Variants in HS6ST2 observed in about 807,000 individuals in gnomAD.
HS6ST2 encodes heparan-sulfate 6-O-sulfotransferase 2.
HS6ST2 carries 17 observed loss-of-function variants against 33.0 expected under a neutral mutation model. That is an observed-to-expected ratio of 0.52 (90% confidence interval 0.35 to 0.77). The LOEUF is 0.77. HS6ST2 is among the 30% of genes least tolerant of loss of function. The pLI is 0.01. For missense variants in HS6ST2, 519 were observed against 551.7 expected, an observed-to-expected ratio of 0.94 and a Z score of 0.59; for synonymous variants, 248 against 237.1, an observed-to-expected ratio of 1.05 and a Z score of -0.42.
intron 2 of HS6ST2, among the ~76,000 whole-genome samples, chrX:132,713,716 G>A (rs940745797): frequency 9.0e-6 from 1 of 111,038 alleles, no homozygotes; most frequent in African/African-American, 3.3e-5. Context: ...AACCTCCCAA[G>A]GAATAGCCTT....
intron 4 of HS6ST2, among the ~76,000 whole-genome samples, chrX:132,639,757 G>C (rs138202169): frequency 9.0e-6 from 1 of 111,623 alleles, no homozygotes; most frequent in African/African-American, 3.3e-5. Flanking sequence ...TGCACAGAGG[G>C]GAAGAATCAT....
At chrX:132,930,781 G>A (rs953893019) in intron 2 of HS6ST2, among the ~76,000 whole-genome samples, 1 of 111,280 alleles carries the variant, frequency 9.0e-6, no homozygotes, top group Non-Finnish European at 1.9e-5. Context: ...ATAAACAGAG[G>A]AGACCTAAAT....
intron 2 of HS6ST2, among the ~76,000 whole-genome samples, chrX:132,716,081 T>C (rs192850973): frequency 3.6e-5 from 4 of 112,176 alleles, no homozygotes; most frequent in Non-Finnish European, 7.5e-5. Context: ...CAGTTGCACA[T>C]GTCTTGTCTA....
intron 2 of HS6ST2, among the ~76,000 whole-genome samples, chrX:132,801,294 T>C (rs1602692118): frequency 9.1e-6 from 1 of 109,717 alleles, no homozygotes; most frequent in African/African-American, 3.3e-5. Flanking sequence ...AGACTCTGTC[T>C]CAAAAAAAAA....
intron 2 of HS6ST2, among the ~76,000 whole-genome samples, chrX:132,828,714 A>G (rs192634166): frequency 0.18 from 15,923 of 86,104 alleles, 1,775 homozygotes; most frequent in East Asian, 0.28. Flanking sequence ...ACACACACAC[A>G]CACACACACA....
chrX:132,884,008 G>A (rs1360139494), intron 2 of HS6ST2, among the ~76,000 whole-genome samples: 1 of 111,879 alleles, frequency 8.9e-6, no homozygotes. Context: ...TATATATATA[G>A]ATGAAATGTA....
At chrX:132,824,764 G>A (rs966918412) in intron 2 of HS6ST2, among the ~76,000 whole-genome samples, 1 of 112,483 alleles carries the variant, frequency 8.9e-6, no homozygotes, top group Admixed American at 9.4e-5. Context: ...TTAAATGCGA[G>A]TTTAAAAGAT....
At chrX:132,650,460 C>T (rs1157827650) in intron 4 of HS6ST2, among the ~76,000 whole-genome samples, 1 of 111,403 alleles carries the variant, frequency 9.0e-6, no homozygotes, top group Non-Finnish European at 1.9e-5. Context: ...CATCTTTCAA[C>T]TAAAAATCAG....
chrX:132,870,972 AACAGGCAACCT>A (rs1222907563), intron 2 of HS6ST2, among the ~76,000 whole-genome samples: 22 of 111,403 alleles, frequency 2.0e-4, no homozygotes, highest in African/African-American at 4.3e-4. Flanking sequence ...CATCAGAGTG[AACAGGCAACCT>A]ACAGGCAACC....
At chrX:132,762,491 T>C (rs1457414682) in intron 2 of HS6ST2, among the ~76,000 whole-genome samples, 1 of 112,427 alleles carries the variant, frequency 8.9e-6, no homozygotes, top group African/African-American at 3.2e-5. Context: ...GGGGAATAAA[T>C]AATACTGATT....
chrX:132,893,369 T>C (rs111327552), intron 2 of HS6ST2, among the ~76,000 whole-genome samples: 17 of 112,349 alleles, frequency 1.5e-4, no homozygotes, highest in African/African-American at 4.2e-4. Flanking sequence ...GTAACTGTCA[T>C]TTACCAGGGC....
intron 3 of HS6ST2, among the ~76,000 whole-genome samples, chrX:132,676,460 T>C (rs1000931847): frequency 8.9e-6 from 1 of 112,453 alleles, no homozygotes; most frequent in African/African-American, 3.2e-5. Flanking sequence ...AAAGCAAAGG[T>C]AAATGTGAGT....
chrX:132,891,444 T>G (rs2066310734), intron 2 of HS6ST2, among the ~76,000 whole-genome samples: 1 of 108,913 alleles, frequency 9.2e-6, no homozygotes, highest in Non-Finnish European at 1.9e-5. Flanking sequence ...TGCAGGTTAG[T>G]TACATATGTA....
chrX:132,647,970 CTG>C (rs2063659597), intron 4 of HS6ST2, among the ~76,000 whole-genome samples: 1 of 112,595 alleles, frequency 8.9e-6, no homozygotes, highest in Non-Finnish European at 1.9e-5. Context: ...TGCTCAGACT[CTG>C]TGCTTCAGTT....
chrX:132,886,000 T>G (rs185043120), intron 2 of HS6ST2, among the ~76,000 whole-genome samples: 38 of 111,262 alleles, frequency 3.4e-4, no homozygotes, highest in Admixed American at 3.1e-3. Context: ...CTACAATATA[T>G]TATGTAAAAT....
intron 3 of HS6ST2, among the ~76,000 whole-genome samples, chrX:132,701,436 T>G (rs1024505793): frequency 2.7e-5 from 3 of 112,377 alleles, no homozygotes; most frequent in African/African-American, 9.7e-5. Flanking sequence ...AAAAACTGCT[T>G]TCCCAAAATC....
At chrX:132,864,634 G>A (rs916780380) in intron 2 of HS6ST2, among the ~76,000 whole-genome samples, 5 of 110,424 alleles carry the variant, frequency 4.5e-5, no homozygotes, top group African/African-American at 9.9e-5. Context: ...ACACTTGATC[G>A]GTGTACTTGA....
At chrX:132,694,388 G>T (rs1451212694) in intron 3 of HS6ST2, among the ~76,000 whole-genome samples, 1 of 111,646 alleles carries the variant, frequency 9.0e-6, no homozygotes, top group Non-Finnish European at 1.9e-5. Context: ...AGCATTCCAG[G>T]TAGAAAGAGG....
chrX:132,794,006 G>T (rs1188302809), intron 2 of HS6ST2, among the ~76,000 whole-genome samples: 1 of 112,832 alleles, frequency 8.9e-6, no homozygotes, highest in African/African-American at 3.2e-5. Flanking sequence ...GAAGCAAAAG[G>T]CTACTTGCCG....
Sources: gnomAD v4.1 joint callset for allele counts (sites outside exome capture counted in the v4.1 genomes callset) on GRCh38, gnomAD v4.1.1 for gene constraint, MANE v1.5 for transcripts, NCBI Gene and HGNC (gene_info 2026-07-23, HGNC 2026-07-21) for gene names.